Variants in TTN observed in about 807,000 individuals in gnomAD.
TTN encodes titin, also known as connectin.
A neutral mutation model predicts 3,223.0 loss-of-function variants in TTN; 1,525 were observed. The ratio of observed to expected loss-of-function variants is 0.47; its 90% confidence interval spans 0.45 to 0.49. The LOEUF (loss-of-function observed/expected upper bound fraction) is 0.49, where lower values mean the gene tolerates loss of function less well. Among genes scored for constraint, TTN ranks in the 20% least tolerant of loss-of-function variants. The pLI, the probability that TTN is intolerant of heterozygous loss-of-function variation, is 0.00. For missense variants in TTN, 40,786 were observed against 43,424.0 expected (o/e 0.94, Z 5.40); for synonymous variants, 14,094 against 15,161.0 (o/e 0.93, Z 5.17).
chr2:178,568,680 C>T lies in TTN; in HGVS notation c.77452G>A (p.Glu25818Lys), dbSNP rs748619096. ...TTAGGACGTCCAGAAATTGGCACTT[C>T]TATTTTCAAATCTTGGCCAACCTGT... ...SVQVGQDLKIEVPISGRPKPT... is the reference protein window; with the variant it reads ...SVQVGQDLKIKVPISGRPKPT... Residue 25818 changes from glutamate (E) to lysine (K), a missense_variant, in exon 326 of 363, where the codon GAA becomes AAA. Glu to Lys is a moderately conservative substitution (Grantham distance 56). Transcript: ENST00000589042. 1.6e-5 allele frequency: 26 copies of T among 1,613,264 alleles called. No homozygotes were observed. The highest frequency in any genetic ancestry group is 1.6e-4 in the Middle Eastern group (1 of 6,074).
In TTN at chr2:178,740,235, G is replaced by T. The variant is rs1481099228; in HGVS notation, c.12998C>A (p.Ala4333Glu). 1 of 1,613,638 alleles carries T rather than the reference G, an allele frequency of 6.2e-7. No homozygotes were observed. Among genetic ancestry groups the T allele is most frequent in the East Asian group, 2.2e-5 (1 of 44,866 alleles). The change falls in exon 48 of 363, where the codon GCA becomes GAA. Residue 4333 changes from alanine to glutamate, a missense_variant. Transcript: ENST00000589042. Reference sequence around the variant, plus strand: ...GAGCAGTACCTGCTTTTCTTCAAGTGCTAGTGGAAATCTTAAGGACTTGCC... The same window carrying T: ...GAGCAGTACCTGCTTTTCTTCAAGTTCTAGTGGAAATCTTAAGGACTTGCC... Reference protein sequence around the residue: ...EEGKSLRFPLALEEKQVLLKE... With the variant: ...EEGKSLRFPLELEEKQVLLKE...
At chr2:178,554,370 G>GA (rs1700496455) in intron 332 of TTN, 83 bp downstream of exon 332, 1 of 1,482,798 alleles carries the variant, frequency 6.7e-7, no homozygotes, top group Non-Finnish European at 9.1e-7. Flanking sequence ...TTATATAAAA[G>GA]AAAATTAAAG....
At position 178,711,113 on chromosome 2, in the gene TTN, C is replaced by T. The variant is rs939996965; in HGVS notation, c.28123G>A (p.Ala9375Thr). The T allele has an allele frequency of 6.2e-7, 1 of 1,613,532 alleles. No homozygotes were observed. The highest frequency in any genetic ancestry group is 2.2e-5 in the East Asian group (1 of 44,886). The change falls in exon 97 of 363, where the codon GCT becomes ACT. Residue 9375 changes from alanine to threonine, a missense_variant. Ala to Thr is a moderately conservative substitution (Grantham distance 58). Coordinates refer to ENST00000589042, the MANE Select transcript of TTN (RefSeq NM_001267550.2). ...GAAGCAGAGCCTATAGGGTTTGTAG[C>T]TGTGCAGGAATACTGGCCTGCAAGG... The part of the protein sequence containing the change: ...RSLAGQYSCT[A>T]TNPIGSASSS...
chr2:178,612,007 A>C, intron 267 of TTN, 50 bp downstream of exon 267: 1 of 1,604,030 alleles, frequency 6.2e-7, no homozygotes, highest in South Asian at 1.1e-5. Context: ...CACAGTTAAG[A>C]ATTTGCAGCC....
Position 178,775,157 on chromosome 2 carries a change from GCAA to G in TTN, c.6551_6553del (p.Val2184del), listed in dbSNP as rs756632681. 1.9e-6 allele frequency: 3 copies of G among 1,613,734 alleles called. No homozygotes were observed. The highest frequency in any genetic ancestry group is 1.3e-5 in the African/African-American group (1 of 74,858). On this transcript the variant is annotated inframe_deletion, in exon 29 of 363. Transcript: ENST00000589042. ...GGTTGCCATAGTGTCTTTTTCCTTA[GCAA>G]CAACATCTTGTAATTCCTGTGTGAA...
rs781510461 is a variant in TTN at position 178,586,807 on chromosome 2, C to T, written c.64094G>A (p.Ser21365Asn). The T allele has an allele frequency of 1.2e-6, 2 of 1,607,518 alleles. No individual in the cohort carries two copies. Among genetic ancestry groups the T allele is most frequent in the South Asian group, 1.1e-5 (1 of 89,722 alleles). Reference sequence around the variant, plus strand: ...TAATTTCCTTGGGGGATCCGGCTCACCTAGAAGAAAAACATAATTTAGAAG... The same window carrying T: ...TAATTTCCTTGGGGGATCCGGCTCATCTAGAAGAAAAACATAATTTAGAAG... ...PKPVLASDPL[S>N]EPDPPRKLEV... Residue 21365 changes from serine (S) to asparagine (N), a missense_variant and splice_region_variant, in exon 308 of 363, where the codon AGT becomes AAT. Coordinates refer to ENST00000589042, the MANE Select transcript of TTN (RefSeq NM_001267550.2).
rs754657951 is a variant in TTN at position 178,532,609 on chromosome 2, T to G, written c.104006A>C (p.Asp34669Ala). The G allele has an allele frequency of 6.8e-6, 11 of 1,613,840 alleles. No homozygotes were observed. The East Asian group carries it at 2.5e-4, about 36-fold the overall frequency. ...CTCTGTTCTTTTCATTGCTAAGTAG[T>G]CATCAATGGGGAGGAGTAATTCTTC... Reference protein sequence around the residue: ...SDEELLLPIDDYLAMKRTEEE... With the variant: ...SDEELLLPIDAYLAMKRTEEE... The change falls in exon 358 of 363, where the codon GAC becomes GCC. Residue 34669 changes from aspartate to alanine, a missense_variant. Physicochemically the swap from Asp to Ala is moderately radical, Grantham distance 126 (BLOSUM62 -2). Transcript: ENST00000589042.
Position 178,636,652 on chromosome 2 carries a change from A to G in TTN, c.41075T>C (p.Ile13692Thr). 1 of 1,613,326 alleles carries G rather than the reference A, an allele frequency of 6.2e-7. No homozygotes were observed. Among genetic ancestry groups the G allele is most frequent in the Non-Finnish European group, 8.5e-7 (1 of 1,179,534 alleles). ...PLKFVKEIKD[I>T]ILTESEFVGS... ...AACGAACTCTGATTCTGTCAAGATG[A>G]TGTCTTTGATTTCTTTCACAAACTT... Residue 13692 changes from isoleucine (I) to threonine (T), a missense_variant, in exon 225 of 363, where the codon ATC becomes ACC. Physicochemically the swap from Ile to Thr is moderately conservative, Grantham distance 89. Transcript: ENST00000589042. This position sits in a 1 kb window ranked among gnomAD's most constrained non-coding sequence, Gnocchi z 4.3.
At position 178,563,747 on chromosome 2, in the gene TTN, G is replaced by T. The variant is rs55933739; in HGVS notation, c.82385C>A (p.Thr27462Lys). The T allele has an allele frequency of 3.2e-3, 5,235 of 1,613,638 alleles. 102 individuals carry two copies. The African/African-American group carries it at 0.051, about 16-fold the overall frequency. ...IGEPLESGPV[T>K]ACNPYKPPGP... ...TGGTGGCTTATAAGGATTACAGGCC[G>T]TAACAGGCCCAGATTCCAAGGGCTC... Residue 27462 changes from threonine to lysine, a missense_variant, in exon 326 of 363, where the codon ACG (threonine) becomes AAG (lysine). Thr to Lys is a moderately conservative substitution (Grantham distance 78). Transcript: ENST00000589042. The surrounding 1 kb of genome is among the most constrained non-coding windows in gnomAD (Gnocchi z 4.5).
Position 178,735,738 on chromosome 2 carries a change from T to G in TTN, c.14708A>C (p.Lys4903Thr). Reference protein sequence around the residue: ...ELEPVQSAINKKVHLECQVDE... With the variant: ...ELEPVQSAINTKVHLECQVDE... ...TACTTGGCACTCAAGGTGGACCTTC[T>G]TATTGATAGCGGACTGCACAGGCTC... Residue 4903 changes from lysine to threonine, a missense_variant, in exon 50 of 363, where the codon AAG becomes ACG. Physicochemically the swap from Lys to Thr is moderately conservative, Grantham distance 78. Transcript: ENST00000589042. The G allele has an allele frequency of 6.2e-7, 1 of 1,613,830 alleles. No homozygotes were observed. The highest frequency in any genetic ancestry group is 8.5e-7 in the Non-Finnish European group (1 of 1,179,812).
rs763433664 is a variant in TTN, at chr2:178,577,498, A to C, written c.68837T>G (p.Ile22946Ser). ...ATCTTTTATTGTGGGATCAAGGACAATTGTTGGTGCCTCTGCAAAGAAAAA... is the reference window on the plus strand; with the variant it reads ...ATCTTTTATTGTGGGATCAAGGACACTTGTTGGTGCCTCTGCAAAGAAAAA... ...ICKDEYEAPTIVLDPTIKDGL... is the reference protein window; with the variant it reads ...ICKDEYEAPTSVLDPTIKDGL... Residue 22946 changes from isoleucine (I) to serine (S), a missense_variant, in exon 324 of 363, where the codon ATT (isoleucine) becomes AGT (serine). Physicochemically the swap from Ile to Ser is moderately radical, Grantham distance 142. Transcript: ENST00000589042. The C allele has an allele frequency of 6.3e-7, 1 of 1,584,224 alleles. No individual in the cohort carries two copies. Among genetic ancestry groups the C allele is most frequent in the Non-Finnish European group, 8.6e-7 (1 of 1,163,756 alleles).
chr2:178,727,957 G>A (rs1166249757), intron 67 of TTN, 94 bp from the exon 68 acceptor site: 2 of 1,429,356 alleles, frequency 1.4e-6, no homozygotes, highest in Non-Finnish European at 1.9e-6. Context: ...CTCTTGGAAA[G>A]AGGCAATGGC....
In TTN at chr2:178,756,594, G is replaced by C; in HGVS notation, c.10882C>G (p.Gln3628Glu). Residue 3628 changes from glutamine to glutamate, a missense_variant, in exon 46 of 363, where the codon CAA becomes GAA. Gln to Glu is a conservative substitution (Grantham distance 29). Transcript: ENST00000589042. ...GCAGTATGGCACAACTGTGTATCTT[G>C]AACAGATGCAGCTGTGTGGATGGAA... Reference protein sequence around the residue: ...QSSIHTAASVQDTQLCHTASL... With the variant: ...QSSIHTAASVEDTQLCHTASL... 6.2e-7 allele frequency: 1 copy of C among 1,613,016 alleles called. No individual in the cohort carries two copies. The highest frequency in any genetic ancestry group is 8.5e-7 in the Non-Finnish European group (1 of 1,179,388).
Position 178,724,399 on chromosome 2 carries a change from T to C in TTN, c.20976A>G (p.Gln6992=), listed in dbSNP as rs757284821. The change falls in exon 72 of 363, where the codon CAA becomes CAG. Residue 6992 remains glutamine, a synonymous_variant. Transcript: ENST00000589042. The stretch of plus-strand genomic sequence containing the variant: ...TGTTGTAGAAGCTAAATTTGTGTTT[T>C]TGGCTGCTGGTCAACAGCTTTCCAT... ...YKDGKLLTSS[Q]KHKFSFYNKI... is the part of the protein sequence containing the mutation. 2 of 1,613,588 alleles carry C rather than the reference T, an allele frequency of 1.2e-6. No individual in the cohort carries two copies. The highest frequency in any genetic ancestry group is 1.3e-5 in the African/African-American group (1 of 75,034).
chr2:178,712,503 G>A lies in TTN; in HGVS notation c.27419C>T (p.Pro9140Leu), dbSNP rs371352652. 2 of 1,613,630 alleles carry A rather than the reference G, an allele frequency of 1.2e-6. No individual in the cohort carries two copies. Among genetic ancestry groups the A allele is most frequent in the African/African-American group, 2.7e-5 (2 of 74,880 alleles). Reference sequence around the variant, plus strand: ...ATTTTTCTTCCAGGTAACCGAAATGGGAGGAGTTCCAGTGAATGTACCCTC... The same window carrying A: ...ATTTTTCTTCCAGGTAACCGAAATGAGAGGAGTTCCAGTGAATGTACCCTC... ...ILEGTFTGTP[P>L]ISVTWKKNGI... The change falls in exon 95 of 363, where the codon CCC (proline) becomes CTC (leucine). Residue 9140 changes from proline to leucine, a missense_variant. Coordinates refer to ENST00000589042, the MANE Select transcript of TTN (RefSeq NM_001267550.2).
Position 178,789,964 on chromosome 2 carries a change from A to T in TTN, c.1938+14T>A, listed in dbSNP as rs747692932. On this transcript the variant is annotated intron_variant, in intron 12 of 362. Coordinates refer to ENST00000589042, the MANE Select transcript of TTN (RefSeq NM_001267550.2). ...TAAAGATGAACTTTTCACAGCTCAA[A>T]TATCTGTATTCACCTTCTCCTGAGT... 5.6e-6 allele frequency: 9 copies of T among 1,612,426 alleles called. No individual in the cohort carries two copies. The Admixed American group carries it at 6.7e-5, about 12-fold the overall frequency.
At chr2:178,690,281 TTATC>T (rs2072044029) in intron 121 of TTN, among the ~76,000 whole-genome samples, 1 of 152,228 alleles carries the variant, frequency 6.6e-6, no homozygotes, top group Non-Finnish European at 1.5e-5. Context: ...TGGCTTTAGT[TTATC>T]TAAGACTATT....
Position 178,621,842 on chromosome 2 carries a change from A to G in TTN, c.45080T>C (p.Leu15027Pro). Reference protein sequence around the residue: ...TARTSGMLTVLEEEAVFTKNL... With the variant: ...TARTSGMLTVPEEEAVFTKNL... ...ACAAAGAATGACTTTACTCTTACCC[A>G]GAACTGTCAGCATGCCAGAAGTTCT... is the stretch of plus-strand genomic sequence containing the variant. Residue 15027 changes from leucine to proline, a missense_variant and splice_region_variant, in exon 244 of 363, where the codon CTG (leucine) becomes CCG (proline). By Grantham distance (98) the Leu-to-Pro change is moderately conservative. Coordinates refer to ENST00000589042, the MANE Select transcript of TTN (RefSeq NM_001267550.2). 6 of 1,612,032 alleles carry G rather than the reference A, an allele frequency of 3.7e-6. No individual in the cohort carries two copies. Among genetic ancestry groups the G allele is most frequent in the Non-Finnish European group, 5.1e-6 (6 of 1,178,930 alleles).
Position 178,563,433 on chromosome 2 carries a change from C to T in TTN, c.82699G>A (p.Ala27567Thr). 1 of 1,613,602 alleles carries T rather than the reference C, an allele frequency of 6.2e-7. No individual in the cohort carries two copies. The highest frequency in any genetic ancestry group is 2.2e-5 in the East Asian group (1 of 44,770). ...EPSVFYRACD[A>T]LYPPGPPSNP... The stretch of plus-strand genomic sequence containing the variant: ...CTTGGGGGACCTGGTGGATACAAGG[C>T]ATCACACGCACGGTAGAAAACAGAT... Residue 27567 changes from alanine (A) to threonine (T), a missense_variant, in exon 326 of 363, where the codon GCC (alanine) becomes ACC (threonine). Transcript: ENST00000589042. This position sits in a 1 kb window ranked among gnomAD's most constrained non-coding sequence, Gnocchi z 4.5.
Sources: gnomAD v4.1 joint callset for allele counts (sites outside exome capture counted in the v4.1 genomes callset) on GRCh38, gnomAD v4.1.1 for gene constraint, Gnocchi (gnomAD v3.1) non-coding constraint, MANE v1.5 for transcripts, NCBI Gene and HGNC (gene_info 2026-07-23, HGNC 2026-07-21) for gene names.